Variants in FAM168A observed in about 807,000 individuals in gnomAD.
FAM168A encodes family with sequence similarity 168 member A, also known as protein FAM168A.
Under a neutral mutation model 28.5 loss-of-function variants are expected in FAM168A, and 3 were observed. The observed-to-expected ratio is 0.11, with a 90% CI of 0.05 to 0.27. FAM168A has a LOEUF of 0.27. FAM168A is among the 10% of genes least tolerant of loss of function. The pLI is 1.00. For synonymous variants in FAM168A, 122 were observed against 124.2 expected, an observed-to-expected ratio of 0.98 and a Z score of 0.12; for missense variants, 222 against 311.5, an observed-to-expected ratio of 0.71 and a Z score of 2.16.
intron 2 of FAM168A, among the ~76,000 whole-genome samples, chr11:73,458,703 C>T (rs575635365): frequency 3.8e-4 from 58 of 151,616 alleles, no homozygotes; most frequent in African/African-American, 1.4e-3. Context: ...CTCCGCCTCC[C>T]GGATTGAAGT....
At chr11:73,542,747 C>A (rs933384704) in intron 1 of FAM168A, among the ~76,000 whole-genome samples, 2 of 152,066 alleles carry the variant, frequency 1.3e-5, no homozygotes, top group Non-Finnish European at 2.9e-5. Context: ...CTAATCTTAC[C>A]CCATAGCACT....
intron 1 of FAM168A, among the ~76,000 whole-genome samples, chr11:73,508,508 A>G (rs894732463): frequency 1.8e-4 from 28 of 152,238 alleles, no homozygotes; most frequent in African/African-American, 6.7e-4. Context: ...CAAAATTGCT[A>G]CGTCTCCTAC....
intron 1 of FAM168A, among the ~76,000 whole-genome samples, chr11:73,518,783 G>A (rs1490216223): frequency 6.6e-6 from 1 of 152,120 alleles, no homozygotes; most frequent in Admixed American, 6.5e-5. Flanking sequence ...TGTAGTCCCA[G>A]ATACTCAGGA....
intron 1 of FAM168A, among the ~76,000 whole-genome samples, chr11:73,550,051 G>T (rs946884760): frequency 6.6e-6 from 1 of 152,038 alleles, no homozygotes; most frequent in Non-Finnish European, 1.5e-5. Flanking sequence ...TTATCATATC[G>T]TTTCATACGC....
chr11:73,595,524 G>C (rs1039321689), intron 1 of FAM168A, among the ~76,000 whole-genome samples: 3 of 151,920 alleles, frequency 2.0e-5, no homozygotes, highest in Admixed American at 6.6e-5. Flanking sequence ...TTCAGTCTGA[G>C]CTCTAATCAA....
chr11:73,479,890 T>C (rs764527348), intron 1 of FAM168A, among the ~76,000 whole-genome samples: 1 of 152,216 alleles, frequency 6.6e-6, no homozygotes, highest in Non-Finnish European at 1.5e-5. Context: ...AACAGCTTAA[T>C]TTCCCTTTAG....
rs56294455 is a variant in FAM168A at position 73,445,419 on chromosome 11, C to CTT, written c.71-14651_71-14650dup. 7.4e-3 allele frequency among the ~76,000 whole-genome samples: 372 copies of CTT among 50,454 alleles called. 38 individuals are homozygous for CTT. Among genetic ancestry groups the CTT allele is most frequent in the Non-Finnish European group, 8.9e-3 (243 of 27,320 alleles). The allele number at this position is 50,454 out of a possible 152,430, so 33.1% of individuals were successfully genotyped here. A position where few individuals can be genotyped will look rare whatever the true frequency, so the allele number is the denominator to read the frequency against. ...CCAGTAGATATATGTAAAAATGTCT[C>CTT]TTTTTTTTTTTTTTTTTTTTTTTTT... is the stretch of plus-strand genomic sequence containing the variant. On this transcript the variant is annotated intron_variant, in intron 2 of 7. Coordinates refer to ENST00000356467, the MANE Select transcript of FAM168A (RefSeq NM_015159.3).
At chr11:73,577,857 C>T (rs1164082220) in intron 1 of FAM168A, among the ~76,000 whole-genome samples, 1 of 152,124 alleles carries the variant, frequency 6.6e-6, no homozygotes, top group Non-Finnish European at 1.5e-5. Flanking sequence ...ATGTGTAACA[C>T]TGGGCATGAG....
At chr11:73,429,309 G>T (rs982647761) in intron 3 of FAM168A, among the ~76,000 whole-genome samples, 3 of 152,172 alleles carry the variant, frequency 2.0e-5, no homozygotes, top group African/African-American at 7.2e-5. Flanking sequence ...CTGACTCACT[G>T]GGTAACTTGG....
chr11:73,559,351 G>A (rs1338170659), intron 1 of FAM168A, among the ~76,000 whole-genome samples: 1 of 152,046 alleles, frequency 6.6e-6, no homozygotes, highest in Non-Finnish European at 1.5e-5. Flanking sequence ...AGGATGCAGT[G>A]AGCCGAGATC....
intron 1 of FAM168A, among the ~76,000 whole-genome samples, chr11:73,504,273 G>T (rs1277877): frequency 1 from 151,795 of 152,304 alleles, 75,654 homozygotes; most frequent in Middle Eastern, 1. Context: ...AGGTCTAATA[G>T]CCAGAATTTA....
chr11:73,497,943 C>G (rs551960627), intron 1 of FAM168A, among the ~76,000 whole-genome samples: 1 of 152,242 alleles, frequency 6.6e-6, no homozygotes, highest in African/African-American at 2.4e-5. Context: ...TAATTTTTTT[C>G]TCACATATTA....
At chr11:73,591,368 C>T (rs1944379678) in intron 1 of FAM168A, among the ~76,000 whole-genome samples, 2 of 152,262 alleles carry the variant, frequency 1.3e-5, no homozygotes, top group South Asian at 4.1e-4. Flanking sequence ...TTATACGACA[C>T]AAATATGAGG....
intron 1 of FAM168A, among the ~76,000 whole-genome samples, chr11:73,471,895 C>A (rs1283531663): frequency 6.6e-6 from 1 of 152,066 alleles, no homozygotes; most frequent in Non-Finnish European, 1.5e-5. Flanking sequence ...GGGCCATGGA[C>A]CAGCACCAGT....
At chr11:73,488,212 C>T (rs946120909) in intron 1 of FAM168A, among the ~76,000 whole-genome samples, 5 of 151,834 alleles carry the variant, frequency 3.3e-5, no homozygotes, top group East Asian at 1.9e-4. Context: ...CTCACCACAA[C>T]CTCTGCCTCC....
intron 1 of FAM168A, among the ~76,000 whole-genome samples, chr11:73,537,939 T>C (rs577579780): frequency 2.6e-5 from 4 of 152,198 alleles, no homozygotes; most frequent in Non-Finnish European, 5.9e-5. Flanking sequence ...CTTAAGGAGA[T>C]AGGAAGAAAA....
At chr11:73,456,629 G>A (rs185022005) in intron 2 of FAM168A, among the ~76,000 whole-genome samples, 14 of 152,276 alleles carry the variant, frequency 9.2e-5, no homozygotes, top group Admixed American at 3.3e-4. Context: ...CATTGTTATT[G>A]TTTTAAGGAT....
chr11:73,472,631 A>G (rs1408673173), intron 1 of FAM168A, among the ~76,000 whole-genome samples: 1 of 152,220 alleles, frequency 6.6e-6, no homozygotes, highest in African/African-American at 2.4e-5. Context: ...TAGTAGGGCA[A>G]TCGGGAGGTT....
At position 73,520,623 on chromosome 11, in the gene FAM168A, C is replaced by T. The variant is rs558011694; in HGVS notation, c.-18-52131G>A. ...ATTACATAAATCACACCTGATTCGA[C>T]CTAATTTTGTTAGCAGTCATCTCAA... On this transcript the variant is annotated intron_variant, in intron 1 of 7. Transcript: ENST00000356467. Among the ~76,000 whole-genome samples the T allele has an allele frequency of 2.8e-3, 423 of 152,186 alleles. 1 individual carries two copies. The highest frequency in any genetic ancestry group is 4.3e-3 in the Non-Finnish European group (294 of 68,014).
Sources: allele counts gnomAD v4.1 joint callset (sites outside exome capture counted in the v4.1 genomes callset), GRCh38; gene constraint gnomAD v4.1.1; transcripts MANE v1.5; gene names NCBI Gene and HGNC (gene_info 2026-07-23, HGNC 2026-07-21).